The following EGF variants were observed in gnomAD, a reference collection of about 807,000 sequenced individuals.
The protein encoded by EGF is pro-epidermal growth factor.
A neutral mutation model predicts 143.8 loss-of-function variants in EGF; 95 were observed. That is an observed-to-expected ratio of 0.66 (90% CI 0.56 to 0.78). The LOEUF (loss-of-function observed/expected upper bound fraction) is 0.78, where lower values mean the gene tolerates loss of function less well. Among genes scored for constraint, EGF ranks in the 30% least tolerant of loss-of-function variants. The pLI is 0.00. For missense variants in EGF, 1,320 were observed against 1,470.9 expected, an observed-to-expected ratio of 0.90 and a Z score of 1.68; for synonymous variants, 510 against 510.5, an observed-to-expected ratio of 1.00 and a Z score of 0.01.
chr4:109,940,808 A>G, intron 1 of EGF, 138 bp from the exon 2 acceptor site: 2 of 873,590 alleles, frequency 2.3e-6, no homozygotes, highest in Non-Finnish European at 3.6e-6. Flanking sequence ...TTTATTGTCT[A>G]TAAATAGACT....
chr4:110,013,394 G>C lies in EGF; in HGVS notation c.*1939G>C, dbSNP rs751714130. 5.3e-5 allele frequency among the ~76,000 whole-genome samples: 8 copies of C among 151,840 alleles called. No homozygotes were observed. The highest frequency in any genetic ancestry group is 8.8e-5 in the Non-Finnish European group (6 of 67,988). ...CCTTGTTTCCTTCTTAATGACTCTGGTACCTTAGAAACTGGGACCCTGCTA... is the reference window on the plus strand; with the variant it reads ...CCTTGTTTCCTTCTTAATGACTCTGCTACCTTAGAAACTGGGACCCTGCTA... On this transcript the variant is annotated 3_prime_UTR_variant, in exon 24 of 24. Coordinates refer to ENST00000265171, the MANE Select transcript of EGF (RefSeq NM_001963.6).
chr4:109,973,931 T>G (rs2126096876), intron 11 of EGF, among the ~76,000 whole-genome samples: 1 of 152,310 alleles, frequency 6.6e-6, no homozygotes, highest in East Asian at 1.9e-4. Context: ...GCCCTGTTTA[T>G]CTACAGCTTC....
intron 1 of EGF, chr4:109,940,734 G>A (rs1448914975): frequency 7.3e-6 from 4 of 550,180 alleles, no homozygotes; most frequent in South Asian, 2.3e-5. Flanking sequence ...CAATGTTCAT[G>A]TCTTATAATC....
chr4:109,947,129 T>TAA (rs574278151), intron 5 of EGF, among the ~76,000 whole-genome samples: 5 of 145,728 alleles, frequency 3.4e-5, no homozygotes, highest in Admixed American at 2.0e-4. Flanking sequence ...AAATTAAAAT[T>TAA]AAAAAAAAAA....
intron 22 of EGF, among the ~76,000 whole-genome samples, chr4:110,005,036 C>CTTTTTTTTTTTTTTTTTTTTTTTT (rs538062029): frequency 8.7e-5 from 7 of 80,696 alleles, no homozygotes; most frequent in Admixed American, 1.7e-4. Context: ...TTTTCTCTGT[C>CTTTTTTTTTTTTTTTTTTTTTTTT]TTTTTTTTTT....
chr4:109,970,592 C>G (rs184250577), intron 11 of EGF, among the ~76,000 whole-genome samples: 1 of 151,906 alleles, frequency 6.6e-6, no homozygotes, highest in Non-Finnish European at 1.5e-5. Context: ...TTTGGGAGGC[C>G]AAGGTGGGCA....
intron 1 of EGF, among the ~76,000 whole-genome samples, chr4:109,924,245 A>C (rs1738267043): frequency 6.6e-6 from 1 of 151,496 alleles, no homozygotes; most frequent in African/African-American, 2.5e-5. Flanking sequence ...CTAGACTCTT[A>C]TTCTGTGAAA....
Position 109,960,927 on chromosome 4 carries a change from G to C in EGF, c.1127G>C (p.Gly376Ala). ...ACTCTTGGGTGTAAAAACACCCCTGGATCCTATTACTGCACGTGCCCTGTA... is the reference window on the plus strand; with the variant it reads ...ACTCTTGGGTGTAAAAACACCCCTGCATCCTATTACTGCACGTGCCCTGTA... ...GCTLGCKNTP[G>A]SYYCTCPVGF... is the part of the protein sequence containing the mutation. Residue 376 changes from glycine (G) to alanine (A), a missense_variant, in exon 7 of 24, where the codon GGA (glycine) becomes GCA (alanine). Physicochemically the swap from Gly to Ala is moderately conservative, Grantham distance 60. Transcript: ENST00000265171. 6.2e-7 allele frequency: 1 copy of C among 1,613,882 alleles called. No individual in the cohort carries two copies.
Position 110,012,452 on chromosome 4 carries a change from C to T in EGF, c.*997C>T, listed in dbSNP as rs370002424. Among the ~76,000 whole-genome samples, 2 of 151,772 alleles carry T rather than the reference C, an allele frequency of 1.3e-5. No individual in the cohort carries two copies. The highest frequency in any genetic ancestry group is 2.9e-5 in the Non-Finnish European group (2 of 67,978). On this transcript the variant is annotated 3_prime_UTR_variant, in exon 24 of 24. Transcript: ENST00000265171. Reference sequence around the variant, plus strand: ...GCAATGGCACAATCATAGCTCAGTGCAGCCTCAAACTCCTGGGCTCAAGCA... The same window carrying T: ...GCAATGGCACAATCATAGCTCAGTGTAGCCTCAAACTCCTGGGCTCAAGCA...
chr4:110,013,511 A>G lies in EGF; in HGVS notation c.*2056A>G, dbSNP rs1394903623. Among the ~76,000 whole-genome samples the G allele has an allele frequency of 6.6e-6, 1 of 152,158 alleles. No homozygotes were observed. The highest frequency in any genetic ancestry group is 1.5e-5 in the Non-Finnish European group (1 of 68,020). On this transcript the variant is annotated 3_prime_UTR_variant, in exon 24 of 24. Coordinates refer to ENST00000265171, the MANE Select transcript of EGF (RefSeq NM_001963.6). ...AATCACCAAGGCACCCTGCAGAGAT[A>G]TCTTCTTCTTGCAACTTCACATCTT... is the stretch of plus-strand genomic sequence containing the variant.
At chr4:109,987,721 C>T in intron 16 of EGF, 23 bp from the exon 17 acceptor site, 1 of 1,580,796 alleles carries the variant, frequency 6.3e-7, no homozygotes, top group Non-Finnish European at 8.7e-7. Flanking sequence ...GAAATAACTG[C>T]ACGGGATTCT....
chr4:109,918,240 T>C (rs1027771701), intron 1 of EGF, among the ~76,000 whole-genome samples: 2 of 150,112 alleles, frequency 1.3e-5, no homozygotes, highest in Admixed American at 1.3e-4. Flanking sequence ...TCCTTTCTCT[T>C]GATTGCTAGG....
chr4:110,011,398 C>T lies in EGF; in HGVS notation c.3567C>T (p.Asn1189=), dbSNP rs755313461. The T allele has an allele frequency of 6.2e-7, 1 of 1,614,170 alleles. No individual in the cohort carries two copies. The highest frequency in any genetic ancestry group is 2.2e-5 in the East Asian group (1 of 44,884). The change falls in exon 24 of 24, where the codon AAC becomes AAT. Residue 1189 remains asparagine, a synonymous_variant. Transcript: ENST00000265171. ...AGCCCCATTCTCTCCTATCAGCTAACCCATTATGGCAACAAAGGGCCCTGG... is the reference window on the plus strand; with the variant it reads ...AGCCCCATTCTCTCCTATCAGCTAATCCATTATGGCAACAAAGGGCCCTGG... ...VEKPHSLLSA[N]PLWQQRALDP... is the part of the protein sequence containing the mutation.
intron 5 of EGF, among the ~76,000 whole-genome samples, chr4:109,955,507 T>A (rs1328525991): frequency 1.3e-5 from 2 of 152,204 alleles, no homozygotes; most frequent in African/African-American, 4.8e-5. Flanking sequence ...GGTCACGTCA[T>A]CAGCACAACT....
chr4:109,961,849 T>C lies in EGF; in HGVS notation c.1190-14T>C, dbSNP rs947696491. The stretch of plus-strand genomic sequence containing the variant: ...GATTTAACACTAATCTTGACCTTGT[T>C]CTTTATTAATTAGAACTTGTTTCCT... On this transcript the variant is annotated splice_polypyrimidine_tract_variant and intron_variant, in intron 7 of 23. Transcript: ENST00000265171. The C allele has an allele frequency of 5.6e-6, 9 of 1,613,362 alleles. No homozygotes were observed. The Admixed American group carries it at 1.5e-4, about 27-fold the overall frequency.
intron 1 of EGF, among the ~76,000 whole-genome samples, chr4:109,929,914 G>A (rs1236825033): frequency 6.6e-6 from 1 of 152,158 alleles, no homozygotes; most frequent in African/African-American, 2.4e-5. Context: ...ATCTTGAATT[G>A]TAATCCCCAG....
Position 110,011,639 on chromosome 4 carries a change from A to C in EGF, c.*184A>C, listed in dbSNP as rs886058997. The stretch of plus-strand genomic sequence containing the variant: ...TTGCTCTTTTAAGCAGTCTCACTGC[A>C]GTCTTATTTCCAAGTAAGAGTACTG... On this transcript the variant is annotated 3_prime_UTR_variant, in exon 24 of 24. Coordinates refer to ENST00000265171, the MANE Select transcript of EGF (RefSeq NM_001963.6). The C allele has an allele frequency of 7.1e-5, 64 of 900,690 alleles. No homozygotes were observed. The highest frequency in any genetic ancestry group is 9.6e-5 in the Non-Finnish European group (58 of 605,526). 55.8% of individuals were successfully genotyped at this position (900,690 alleles called of 1,614,324 possible).
intron 1 of EGF, among the ~76,000 whole-genome samples, chr4:109,922,963 T>G (rs1418561163): frequency 6.6e-6 from 1 of 151,598 alleles, no homozygotes; most frequent in Admixed American, 6.5e-5. Context: ...ACCTGTTTCT[T>G]CAAATTTTCA....
intron 11 of EGF, among the ~76,000 whole-genome samples, chr4:109,970,649 AC>A (rs1443766361): frequency 6.6e-6 from 1 of 151,844 alleles, no homozygotes; most frequent in Non-Finnish European, 1.5e-5. Context: ...ACATGGTGAA[AC>A]CCCGTCTCTA....
Sources: gnomAD v4.1 joint callset for allele counts (sites outside exome capture counted in the v4.1 genomes callset) on GRCh38, gnomAD v4.1.1 for gene constraint, MANE v1.5 for transcripts, NCBI Gene and HGNC (gene_info 2026-07-23, HGNC 2026-07-21) for gene names.